AKAP7: variants seen among roughly 807,000 people sequenced by gnomAD.
AKAP7 encodes the protein A-kinase anchoring protein 7, also known as A kinase (PRKA) anchor protein 7.
AKAP7 carries 39 observed loss-of-function variants against 39.5 expected under a neutral mutation model. That is an observed-to-expected ratio of 0.99 (90% CI 0.76 to 1.29). The LOEUF (loss-of-function observed/expected upper bound fraction) is 1.29. AKAP7 is among the 50% of genes most tolerant of loss of function. The pLI, the probability that AKAP7 is intolerant of heterozygous loss-of-function variation, is 0.00. For missense variants in AKAP7, 414 were observed against 407.7 expected, an observed-to-expected ratio of 1.02 and a Z score of -0.13; for synonymous variants, 140 against 139.1, an observed-to-expected ratio of 1.01 and a Z score of -0.05.
chr6:131,148,039 T>A (rs1801615660), intron 2 of AKAP7, among the ~76,000 whole-genome samples: 1 of 152,196 alleles, frequency 6.6e-6, no homozygotes, highest in African/African-American at 2.4e-5. Flanking sequence ...GGGCTGGATG[T>A]GTTTGTGGCA....
chr6:131,235,555 T>A (rs1490331924), intron 7 of AKAP7, among the ~76,000 whole-genome samples: 1 of 152,176 alleles, frequency 6.6e-6, no homozygotes, highest in Non-Finnish European at 1.5e-5. Flanking sequence ...TTTCTCCACA[T>A]CCTCTCCAGC....
intron 3 of AKAP7, chr6:131,164,255 C>T: frequency 2.4e-6 from 1 of 417,868 alleles, no homozygotes; most frequent in South Asian, 1.8e-5. Flanking sequence ...TCTCTGTGCT[C>T]TCTTTTCTCT....
chr6:131,177,513 C>T (rs1804699975), intron 5 of AKAP7, among the ~76,000 whole-genome samples: 1 of 152,170 alleles, frequency 6.6e-6, no homozygotes, highest in African/African-American at 2.4e-5. Flanking sequence ...TGAGAACATA[C>T]TCCTGATGTA....
intron 1 of AKAP7, among the ~76,000 whole-genome samples, chr6:131,138,309 G>T (rs912757747): frequency 6.6e-6 from 1 of 152,166 alleles, no homozygotes; most frequent in Admixed American, 6.5e-5. Flanking sequence ...TCTTTTGTAT[G>T]GCTGAATAGT....
At chr6:131,206,332 A>G (rs73633684) in intron 6 of AKAP7, among the ~76,000 whole-genome samples, 3,878 of 152,276 alleles carry the variant, frequency 0.025, 163 homozygotes, top group African/African-American at 0.088. Context: ...GAGTCAGAAA[A>G]TGAGAGTACT....
At position 131,145,342 on chromosome 6, in the gene AKAP7, A is replaced by G; in HGVS notation, c.77A>G (p.Glu26Gly). 6.4e-7 allele frequency: 1 copy of G among 1,570,268 alleles called. No individual in the cohort carries two copies. The highest frequency in any genetic ancestry group is 8.7e-7 in the Non-Finnish European group (1 of 1,154,354). ...TCAAGAAAAAAGAAAATGTCAGAGG[A>G]ATTTGAAGCCAATACTATGGATTCT... Reference protein sequence around the residue: ...NVSRKKKMSEEFEANTMDSLV... With the variant: ...NVSRKKKMSEGFEANTMDSLV... Residue 26 changes from glutamate to glycine, a missense_variant, in exon 2 of 8, where the codon GAA becomes GGA. Glu to Gly is a moderately conservative substitution (Grantham distance 98, BLOSUM62 -2). Coordinates refer to ENST00000431975, the MANE Select transcript of AKAP7 (RefSeq NM_016377.4).
rs1042602000 is a variant in AKAP7, at chr6:131,135,928, C to T, written c.19+146C>T. 12 of 953,480 alleles carry T rather than the reference C, an allele frequency of 1.3e-5. No homozygotes were observed. The African/African-American group carries it at 1.6e-4, about 12-fold the overall frequency. The allele number at this position is 953,480 out of a possible 1,614,324, so 59.1% of individuals were successfully genotyped here. The stretch of plus-strand genomic sequence containing the variant: ...TCCTTCCCAAAAGGACTCAGGGTAG[C>T]ACCGAGAAGCCCGGTGCAACCGGGG... On this transcript the variant is annotated intron_variant, in intron 1 of 7. Coordinates refer to ENST00000431975, the MANE Select transcript of AKAP7 (RefSeq NM_016377.4).
chr6:131,218,293 A>T (rs569195642), intron 6 of AKAP7, among the ~76,000 whole-genome samples: 11 of 152,352 alleles, frequency 7.2e-5, no homozygotes, highest in African/African-American at 2.6e-4. Context: ...AGTACTATGG[A>T]GAAAAATATT....
intron 5 of AKAP7, among the ~76,000 whole-genome samples, chr6:131,169,528 G>T (rs1383748391): frequency 6.6e-6 from 1 of 152,152 alleles, no homozygotes; most frequent in African/African-American, 2.4e-5. Context: ...TGTGGGAGTT[G>T]TCATCCCCAT....
At chr6:131,185,056 A>G (rs1458870469) in intron 5 of AKAP7, 1 of 716,568 alleles carries the variant, frequency 1.4e-6, no homozygotes, top group Non-Finnish European at 2.6e-6. Context: ...GTCACAGGAA[A>G]CTTGCCCAGG....
At chr6:131,258,220 T>A (rs996544758) in intron 7 of AKAP7, among the ~76,000 whole-genome samples, 1 of 152,238 alleles carries the variant, frequency 6.6e-6, no homozygotes, top group Admixed American at 6.5e-5. Context: ...GAGCCAGGTG[T>A]TCTGAAAGGT....
chr6:131,197,057 C>A (rs1807008035), intron 5 of AKAP7, among the ~76,000 whole-genome samples: 1 of 152,014 alleles, frequency 6.6e-6, no homozygotes, highest in Admixed American at 6.6e-5. Flanking sequence ...CATCTATTTT[C>A]TTTCTCTCTT....
At chr6:131,139,830 T>C (rs1800877916) in intron 1 of AKAP7, among the ~76,000 whole-genome samples, 1 of 152,224 alleles carries the variant, frequency 6.6e-6, no homozygotes, top group African/African-American at 2.4e-5. Context: ...TCCCTTTCAC[T>C]TTCAAAAGTG....
intron 7 of AKAP7, among the ~76,000 whole-genome samples, chr6:131,238,555 G>T (rs1467410022): frequency 6.6e-6 from 1 of 152,082 alleles, no homozygotes; most frequent in Non-Finnish European, 1.5e-5. Context: ...CTCTTTGTAG[G>T]TCTCTAAGGA....
chr6:131,138,228 C>G (rs1800742334), intron 1 of AKAP7, among the ~76,000 whole-genome samples: 1 of 152,094 alleles, frequency 6.6e-6, no homozygotes, highest in South Asian at 2.1e-4. Flanking sequence ...GTTTGTTTTT[C>G]TATGCCTGGC....
intron 5 of AKAP7, among the ~76,000 whole-genome samples, chr6:131,171,139 C>T (rs1019197948): frequency 1.3e-5 from 2 of 151,950 alleles, no homozygotes; most frequent in Non-Finnish European, 2.9e-5. Flanking sequence ...TTAGCCAGTG[C>T]CAACTAGTAC....
At chr6:131,239,524 C>A (rs1289727510) in intron 7 of AKAP7, among the ~76,000 whole-genome samples, 1 of 152,196 alleles carries the variant, frequency 6.6e-6, no homozygotes, top group East Asian at 1.9e-4. Context: ...TTCCATTCTC[C>A]CCGTCACTTT....
intron 6 of AKAP7, among the ~76,000 whole-genome samples, chr6:131,211,580 A>G (rs1277068575): frequency 6.6e-6 from 1 of 151,562 alleles, no homozygotes; most frequent in Admixed American, 6.6e-5. Flanking sequence ...CCTGGCTAAT[A>G]CGGTGAAACC....
chr6:131,258,515 A>G (rs1186922778), intron 7 of AKAP7, among the ~76,000 whole-genome samples: 1 of 152,224 alleles, frequency 6.6e-6, no homozygotes, highest in East Asian at 1.9e-4. Context: ...TGACATGAAC[A>G]AACAGTTCCT....
Sources: gnomAD v4.1 joint callset for allele counts (sites outside exome capture counted in the v4.1 genomes callset) on GRCh38, gnomAD v4.1.1 for gene constraint, MANE v1.5 for transcripts, NCBI Gene and HGNC (gene_info 2026-07-23, HGNC 2026-07-21) for gene names.